The following AMBRA1 variants were observed in gnomAD, a reference collection of about 807,000 sequenced individuals.
AMBRA1 encodes the protein autophagy and beclin 1 regulator 1, also known as activating molecule in BECN1-regulated autophagy protein 1.
Under a neutral mutation model 125.4 loss-of-function variants are expected in AMBRA1, and 47 were observed. The ratio of observed to expected loss-of-function variants is 0.37; its 90% CI spans 0.30 to 0.48. The LOEUF (loss-of-function observed/expected upper bound fraction) is 0.48, where lower values mean the gene tolerates loss of function less well. Ranked by LOEUF, AMBRA1 falls within the 20% of genes least tolerant of loss-of-function variation. The pLI is 0.99. For missense variants in AMBRA1, 1,331 were observed against 1,693.4 expected, an observed-to-expected ratio of 0.79 and a Z score of 3.76; for synonymous variants, 626 against 655.5, an observed-to-expected ratio of 0.95 and a Z score of 0.69.
At chr11:46,470,868 A>T (rs1356837380) in intron 11 of AMBRA1, among the ~76,000 whole-genome samples, 1 of 152,254 alleles carries the variant, frequency 6.6e-6, no homozygotes, top group Non-Finnish European at 1.5e-5. Context: ...CAGACAATGA[A>T]TAAAACAGAC....
chr11:46,530,128 G>C (rs1239308408), intron 7 of AMBRA1, among the ~76,000 whole-genome samples: 2 of 152,148 alleles, frequency 1.3e-5, no homozygotes, highest in African/African-American at 4.8e-5. Context: ...GTAGAGAAGG[G>C]GATCTGAAGG....
At chr11:46,504,212 T>G (rs1190781910) in intron 9 of AMBRA1, among the ~76,000 whole-genome samples, 1 of 152,178 alleles carries the variant, frequency 6.6e-6, no homozygotes, top group Non-Finnish European at 1.5e-5. Flanking sequence ...GGAATTATAA[T>G]TACATTTAGA....
At chr11:46,513,868 A>C (rs1295159668) in intron 7 of AMBRA1, among the ~76,000 whole-genome samples, 1 of 152,110 alleles carries the variant, frequency 6.6e-6, no homozygotes, top group East Asian at 1.9e-4. Flanking sequence ...CTGATTGTTA[A>C]ATTTTAGCTA....
At chr11:46,586,927 T>G (rs1229794352) in intron 1 of AMBRA1, among the ~76,000 whole-genome samples, 2 of 152,156 alleles carry the variant, frequency 1.3e-5, no homozygotes, top group African/African-American at 4.8e-5. Context: ...TACTCCAATT[T>G]TCTCTGCAAA....
At chr11:46,575,389 G>A (rs997050187) in intron 1 of AMBRA1, among the ~76,000 whole-genome samples, 3 of 151,618 alleles carry the variant, frequency 2.0e-5, no homozygotes, top group Non-Finnish European at 2.9e-5. Flanking sequence ...CCCGGAAGGT[G>A]GAGGTTGTGG....
intron 7 of AMBRA1, among the ~76,000 whole-genome samples, chr11:46,540,801 T>A (rs1952698450): frequency 6.6e-6 from 1 of 152,258 alleles, no homozygotes; most frequent in African/African-American, 2.4e-5. Context: ...TTGAAAAATT[T>A]CGTTGTCTTG....
At chr11:46,406,946 C>T (rs761852354) in intron 17 of AMBRA1, among the ~76,000 whole-genome samples, 77 of 150,416 alleles carry the variant, frequency 5.1e-4, no homozygotes, top group Non-Finnish European at 1.5e-4. Context: ...TTTGGGAGTC[C>T]GAGGTAGGCG....
intron 4 of AMBRA1, 35 bp downstream of exon 4, chr11:46,547,078 A>G: frequency 6.4e-7 from 1 of 1,558,544 alleles, no homozygotes; most frequent in Non-Finnish European, 8.6e-7. Flanking sequence ...AAATTAGAAC[A>G]CCAAAAGAAA....
chr11:46,507,988 A>G (rs1296486802), intron 9 of AMBRA1, among the ~76,000 whole-genome samples: 3 of 152,222 alleles, frequency 2.0e-5, no homozygotes. Context: ...CTCGCGCGCC[A>G]GTGAATCAGC....
At chr11:46,517,395 C>T (rs1046402967) in intron 7 of AMBRA1, among the ~76,000 whole-genome samples, 2 of 150,022 alleles carry the variant, frequency 1.3e-5, no homozygotes, top group Non-Finnish European at 3.0e-5. Context: ...GTGATCCACC[C>T]GCCTCGGCCT....
chr11:46,496,039 G>A (rs1950618114), intron 9 of AMBRA1, among the ~76,000 whole-genome samples: 1 of 152,090 alleles, frequency 6.6e-6, no homozygotes, highest in South Asian at 2.1e-4. Context: ...AGGAGTTCAA[G>A]GTCAGCCTGG....
chr11:46,458,756 C>A (rs1395976995), intron 11 of AMBRA1, among the ~76,000 whole-genome samples: 2 of 152,100 alleles, frequency 1.3e-5, no homozygotes, highest in African/African-American at 2.4e-5. Context: ...GTCACCATGA[C>A]CAGAACCTCA....
intron 11 of AMBRA1, among the ~76,000 whole-genome samples, chr11:46,468,524 C>T (rs1949427811): frequency 6.6e-6 from 1 of 151,916 alleles, no homozygotes; most frequent in South Asian, 2.1e-4. Context: ...CAGGGCCAGG[C>T]GCAGTGACTC....
intron 9 of AMBRA1, among the ~76,000 whole-genome samples, chr11:46,496,030 G>A (rs1950617823): frequency 6.6e-6 from 1 of 152,088 alleles, no homozygotes; most frequent in Non-Finnish European, 1.5e-5. Flanking sequence ...CTTGAGTCCA[G>A]GAGTTCAAGG....
At chr11:46,410,395 A>C (rs763522288) in intron 15 of AMBRA1, 27 bp from the exon 16 acceptor site, 2 of 1,584,328 alleles carry the variant, frequency 1.3e-6, no homozygotes, top group South Asian at 2.2e-5. Context: ...AAGGGTAAAG[A>C]AGAAGGTGAA....
intron 9 of AMBRA1, among the ~76,000 whole-genome samples, chr11:46,500,979 T>G (rs1950816718): frequency 6.6e-6 from 1 of 152,190 alleles, no homozygotes; most frequent in African/African-American, 2.4e-5. Flanking sequence ...TGGGATAAAG[T>G]TCATCTCCTT....
At chr11:46,470,052 G>C (rs1211083216) in intron 11 of AMBRA1, among the ~76,000 whole-genome samples, 3 of 152,036 alleles carry the variant, frequency 2.0e-5, no homozygotes, top group Non-Finnish European at 4.4e-5. Context: ...TGTGTAGCAA[G>C]ATACTTTATA....
intron 11 of AMBRA1, among the ~76,000 whole-genome samples, chr11:46,482,758 C>T (rs930566217): frequency 6.6e-6 from 1 of 152,076 alleles, no homozygotes; most frequent in African/African-American, 2.4e-5. Context: ...CGCCTGTAAT[C>T]CCAGCACTTT....
At chr11:46,446,198 T>G (rs1948276984) in intron 11 of AMBRA1, among the ~76,000 whole-genome samples, 1 of 152,242 alleles carries the variant, frequency 6.6e-6, no homozygotes, top group South Asian at 2.1e-4. Flanking sequence ...GTCATTTTTT[T>G]TGTGTCATAT....
Sources: gnomAD v4.1 joint callset for allele counts (sites outside exome capture counted in the v4.1 genomes callset) on GRCh38, gnomAD v4.1.1 for gene constraint, MANE v1.5 for transcripts, NCBI Gene and HGNC (gene_info 2026-07-23, HGNC 2026-07-21) for gene names.